Variants in TAFA2 observed in about 807,000 individuals in gnomAD.
TAFA2 encodes the protein TAFA chemokine like family member 2.
In TAFA2, 7 loss-of-function variants were observed where a neutral mutation model predicts 18.8. That is an observed-to-expected ratio of 0.37 (90% confidence interval 0.21 to 0.70). TAFA2 has a LOEUF of 0.70. TAFA2 is among the 30% of genes least tolerant of loss of function. The pLI is 0.53. For synonymous variants in TAFA2, 60 were observed against 54.2 expected, an observed-to-expected ratio of 1.11 and a Z score of -0.47; for missense variants, 122 against 158.1, an observed-to-expected ratio of 0.77 and a Z score of 1.23.
intron 1 of TAFA2, among the ~76,000 whole-genome samples, chr12:62,254,453 T>C (rs1358184147): frequency 1.3e-5 from 2 of 152,146 alleles, no homozygotes; most frequent in Non-Finnish European, 2.9e-5. Context: ...TAAATTCCCA[T>C]TGAGTAAATT....
intron 1 of TAFA2, among the ~76,000 whole-genome samples, chr12:62,209,269 A>G (rs1245647): frequency 0.89 from 135,278 of 152,228 alleles, 60,221 homozygotes; most frequent in Middle Eastern, 0.93. Context: ...CCATTCTCAT[A>G]ATAGTGAGTA....
intron 1 of TAFA2, among the ~76,000 whole-genome samples, chr12:62,000,917 G>C (rs936394339): frequency 6.6e-6 from 1 of 152,156 alleles, no homozygotes; most frequent in African/African-American, 2.4e-5. Flanking sequence ...CTGTGGGAGA[G>C]GGACATGAGA....
chr12:61,822,733 T>TA (rs1872371298), intron 2 of TAFA2, among the ~76,000 whole-genome samples: 1 of 152,184 alleles, frequency 6.6e-6, no homozygotes. Flanking sequence ...AGGAAATACT[T>TA]AAAACTAAGC....
chr12:62,199,634 T>TG (rs1201587324), intron 1 of TAFA2, among the ~76,000 whole-genome samples: 2 of 152,096 alleles, frequency 1.3e-5, no homozygotes, highest in African/African-American at 4.8e-5. Flanking sequence ...ATATAAAACA[T>TG]TGTCTTTATC....
chr12:62,218,201 T>C (rs2062744944), intron 1 of TAFA2, among the ~76,000 whole-genome samples: 2 of 152,034 alleles, frequency 1.3e-5, no homozygotes, highest in African/African-American at 2.4e-5. Context: ...CTTACTATGT[T>C]GCCCAGGCTG....
chr12:62,141,320 G>C (rs1565758012), intron 1 of TAFA2, among the ~76,000 whole-genome samples: 2 of 152,156 alleles, frequency 1.3e-5, no homozygotes. Context: ...TGCGAGAATG[G>C]GGCTTACTGC....
intron 1 of TAFA2, among the ~76,000 whole-genome samples, chr12:62,153,438 G>A (rs1307046868): frequency 2.0e-5 from 3 of 152,118 alleles, no homozygotes; most frequent in Non-Finnish European, 4.4e-5. Flanking sequence ...AATGGTGGGA[G>A]GATCACTTGA....
intron 2 of TAFA2, among the ~76,000 whole-genome samples, chr12:61,849,203 C>A (rs961111963): frequency 2.0e-5 from 3 of 152,148 alleles, no homozygotes; most frequent in African/African-American, 7.2e-5. Context: ...TTATACCAAT[C>A]CAGTGCAGAA....
At chr12:61,838,645 C>T (rs1304196549) in intron 2 of TAFA2, among the ~76,000 whole-genome samples, 4 of 151,874 alleles carry the variant, frequency 2.6e-5, no homozygotes, top group Non-Finnish European at 4.4e-5. Flanking sequence ...CAAAGAGAAG[C>T]AAACAAACAA....
intron 1 of TAFA2, among the ~76,000 whole-genome samples, chr12:61,954,756 A>G (rs905494849): frequency 1.6e-4 from 24 of 152,138 alleles, no homozygotes; most frequent in African/African-American, 5.3e-4. Context: ...CAAAATGAGA[A>G]ACTCATGTAT....
chr12:61,806,134 T>C lies in TAFA2; in HGVS notation c.107-51110A>G, dbSNP rs80129918. Among the ~76,000 whole-genome samples the C allele has an allele frequency of 5.1e-3, 771 of 152,334 alleles. 25 individuals are homozygous for C. Among genetic ancestry groups the C allele is most frequent in the Admixed American group, 0.039 (595 of 15,288 alleles). On this transcript the variant is annotated intron_variant, in intron 2 of 4. Transcript: ENST00000416284. ...TTTACTTTTGTATTTTATATGCTTA[T>C]ATAAATGTATACCAGTTAGAAAAAT...
chr12:62,043,579 A>G lies in TAFA2; in HGVS notation c.-2+147680T>C, dbSNP rs1052825186. On this transcript the variant is annotated intron_variant, in intron 1 of 4. Coordinates refer to ENST00000416284, the MANE Select transcript of TAFA2 (RefSeq NM_178539.5). ...GTATACATATGTAACAAACCTGCAC[A>G]TTGTGCACATGTACCCTAAAACTTA... Among the ~76,000 whole-genome samples the G allele has an allele frequency of 5.9e-5, 9 of 152,264 alleles. No homozygotes were observed. In the South Asian group the frequency reaches 1.0e-3, roughly 18 times the overall value.
At chr12:62,169,176 T>C (rs960089621) in intron 1 of TAFA2, among the ~76,000 whole-genome samples, 8 of 152,196 alleles carry the variant, frequency 5.3e-5, no homozygotes, top group African/African-American at 1.9e-4. Flanking sequence ...TTGAACCTTC[T>C]ACAAAATAAT....
chr12:62,146,420 A>T (rs549846362), intron 1 of TAFA2, among the ~76,000 whole-genome samples: 2 of 151,502 alleles, frequency 1.3e-5, no homozygotes, highest in South Asian at 4.2e-4. Flanking sequence ...AGTAGCTGGG[A>T]CTACAGGCAT....
intron 1 of TAFA2, among the ~76,000 whole-genome samples, chr12:62,045,954 G>C (rs1419591219): frequency 6.6e-6 from 1 of 152,128 alleles, no homozygotes; most frequent in Non-Finnish European, 1.5e-5. Flanking sequence ...AGAGCTAACG[G>C]AGAACTTAAG....
intron 1 of TAFA2, among the ~76,000 whole-genome samples, chr12:61,982,854 A>G (rs1298719431): frequency 7.4e-6 from 1 of 134,776 alleles, no homozygotes; most frequent in African/African-American, 2.8e-5. Flanking sequence ...GAATGACTAT[A>G]TTCCCACCAG....
At chr12:61,927,537 C>A (rs1877356027) in intron 1 of TAFA2, among the ~76,000 whole-genome samples, 1 of 152,160 alleles carries the variant, frequency 6.6e-6, no homozygotes, top group African/African-American at 2.4e-5. Flanking sequence ...GGAAAACATT[C>A]CATGCTCATG....
chr12:61,922,063 G>C (rs1412002748), intron 1 of TAFA2, among the ~76,000 whole-genome samples: 1 of 152,170 alleles, frequency 6.6e-6, no homozygotes, highest in East Asian at 1.9e-4. Flanking sequence ...ACAAGAGCAA[G>C]TTTAGAGAAG....
intron 1 of TAFA2, among the ~76,000 whole-genome samples, chr12:62,122,176 A>G (rs1870226538): frequency 6.6e-6 from 1 of 152,174 alleles, no homozygotes; most frequent in Admixed American, 6.5e-5. Context: ...CCATGACACA[A>G]GTTTACCTAT....
Sources: allele counts gnomAD v4.1 joint callset (sites outside exome capture counted in the v4.1 genomes callset), GRCh38; gene constraint gnomAD v4.1.1; transcripts MANE v1.5; gene names NCBI Gene and HGNC (gene_info 2026-07-23, HGNC 2026-07-21).